Variants in HLCS observed in about 807,000 individuals in gnomAD.
HLCS encodes holocarboxylase synthetase.
A neutral mutation model predicts 75.0 loss-of-function variants in HLCS; 53 were observed. The observed-to-expected ratio is 0.71, with a 90% confidence interval of 0.57 to 0.89. The LOEUF (loss-of-function observed/expected upper bound fraction) is 0.89, where lower values mean the gene tolerates loss of function less well. Among genes scored for constraint, HLCS ranks in the 40% least tolerant of loss-of-function variants. HLCS has a pLI of 0.00. For missense variants in HLCS, 966 were observed against 1,074.0 expected (o/e 0.90, Z 1.41); for synonymous variants, 431 against 428.6 (o/e 1.01, Z -0.07).
intron 5 of HLCS, among the ~76,000 whole-genome samples, chr21:36,900,031 G>A (rs530576916): frequency 5.3e-5 from 8 of 152,302 alleles, no homozygotes; most frequent in Non-Finnish European, 8.8e-5. Context: ...CTTGAACCCA[G>A]GAGGCAGAGG....
chr21:36,800,138 A>G (rs1465441215), intron 6 of HLCS, among the ~76,000 whole-genome samples: 2 of 151,998 alleles, frequency 1.3e-5, no homozygotes, highest in East Asian at 3.9e-4. Context: ...GACCCCGCAG[A>G]CTCTGTGGCC....
At chr21:36,781,468 A>G (rs530236012) in intron 6 of HLCS, among the ~76,000 whole-genome samples, 21 of 152,240 alleles carry the variant, frequency 1.4e-4, no homozygotes, top group South Asian at 1.0e-3. Context: ...CTTATGCACT[A>G]TCTTACGTAT....
chr21:36,854,322 A>G (rs2063113346), intron 6 of HLCS, among the ~76,000 whole-genome samples: 1 of 152,202 alleles, frequency 6.6e-6, no homozygotes, highest in African/African-American at 2.4e-5. Flanking sequence ...GCACCCTATT[A>G]CTCTACCACA....
At chr21:36,963,884 AAC>A (rs1336151876) in intron 1 of HLCS, among the ~76,000 whole-genome samples, 2 of 152,246 alleles carry the variant, frequency 1.3e-5, no homozygotes, top group African/African-American at 2.4e-5. Context: ...TTCAATTATA[AAC>A]ACACATATTC....
rs1045015804 is a variant in HLCS, at chr21:36,897,189, T to C, written c.1621-58A>G. On this transcript the variant is annotated intron_variant, in intron 5 of 10. Coordinates refer to ENST00000674895, the MANE Select transcript of HLCS (RefSeq NM_001352514.2). Reference sequence around the variant, plus strand: ...AATTTGGCATTACATTAGATCATGGTAGCTTTTCCTTATAATGCCATTTTG... The same window carrying C: ...AATTTGGCATTACATTAGATCATGGCAGCTTTTCCTTATAATGCCATTTTG... 2.5e-6 allele frequency: 4 copies of C among 1,580,856 alleles called. No homozygotes were observed. In the Admixed American group the frequency reaches 5.0e-5, roughly 20 times the overall value.
rs919358817 is a variant in HLCS at position 36,781,265 on chromosome 21, A to T, written c.1893-13980T>A. On this transcript the variant is annotated intron_variant, in intron 6 of 10. Coordinates refer to ENST00000674895, the MANE Select transcript of HLCS (RefSeq NM_001352514.2). ...GGAGCGTGAAACTCTGTCTCAAAAA[A>T]AAAAAAAAAAAAGCCTTGATGGTAT... Among the ~76,000 whole-genome samples, 257 of 151,930 alleles carry T rather than the reference A, an allele frequency of 1.7e-3. 1 individual carries two copies. Among genetic ancestry groups the T allele is most frequent in the Middle Eastern group, 0.01 (3 of 292 alleles).
chr21:36,920,375 A>G (rs535324148), intron 5 of HLCS, among the ~76,000 whole-genome samples: 4 of 151,896 alleles, frequency 2.6e-5, no homozygotes, highest in African/African-American at 9.6e-5. Context: ...CCTAGTGGGA[A>G]GGTGGGGCAG....
At chr21:36,754,509 G>C (rs2089483700) in intron 10 of HLCS, 92 bp from the exon 11 acceptor site, 1 of 1,369,742 alleles carries the variant, frequency 7.3e-7, no homozygotes, top group Non-Finnish European at 1.0e-6. Context: ...GAGAGAGCTG[G>C]GCGTGCTGGG....
intron 5 of HLCS, among the ~76,000 whole-genome samples, chr21:36,927,918 C>T (rs1393575340): frequency 6.6e-6 from 1 of 152,140 alleles, no homozygotes; most frequent in African/African-American, 2.4e-5. Context: ...GCCAAATGGA[C>T]AGGCAGGATT....
At chr21:36,864,569 T>C (rs1224467028) in intron 6 of HLCS, among the ~76,000 whole-genome samples, 1 of 152,236 alleles carries the variant, frequency 6.6e-6, no homozygotes, top group Admixed American at 6.5e-5. Context: ...TAGTTTTTAT[T>C]TCCTGTAACC....
chr21:36,952,090 T>A (rs2835548), intron 2 of HLCS, among the ~76,000 whole-genome samples: 84,233 of 151,942 alleles, frequency 0.55, 23,643 homozygotes, highest in East Asian at 0.64. Flanking sequence ...TGAAAAAATA[T>A]AAGATCCCAT....
chr21:36,844,223 G>A (rs537918751), intron 6 of HLCS, among the ~76,000 whole-genome samples: 1 of 152,216 alleles, frequency 6.6e-6, no homozygotes, highest in East Asian at 1.9e-4. Context: ...ATAGAACTCC[G>A]CAGCACGAGG....
intron 6 of HLCS, among the ~76,000 whole-genome samples, chr21:36,807,021 T>C (rs1183494825): frequency 1.3e-5 from 2 of 152,184 alleles, no homozygotes; most frequent in African/African-American, 4.8e-5. Context: ...GGGCTACTCA[T>C]AGCACGTCAG....
chr21:36,789,430 C>A (rs2060792459), intron 6 of HLCS, among the ~76,000 whole-genome samples: 1 of 152,136 alleles, frequency 6.6e-6, no homozygotes, highest in Admixed American at 6.5e-5. Flanking sequence ...TAAAATTATA[C>A]CAGAATATGG....
rs1292719089 is a variant in HLCS at position 36,930,404 on chromosome 21, G to A, written c.1467C>T (p.Asn489=). The change falls in exon 5 of 11, where the codon AAC becomes AAT. Residue 489 remains asparagine (N), a synonymous_variant. Transcript: ENST00000674895. ...QVHLELPPSS[N]IVQTPEDFNL... ...TAAAATCTTCTGGAGTTTGCACTAT[G>A]TTGGAGCTGGGAGGTAGTTCTAAGT... 2 of 1,614,050 alleles carry A rather than the reference G, an allele frequency of 1.2e-6. No homozygotes were observed. The highest frequency in any genetic ancestry group is 1.7e-6 in the Non-Finnish European group (2 of 1,180,010).
intron 1 of HLCS, among the ~76,000 whole-genome samples, chr21:36,983,431 G>C (rs1419711887): frequency 6.6e-6 from 1 of 151,642 alleles, no homozygotes. Context: ...GGCTGGTCTC[G>C]AACCCCTGAC....
intron 1 of HLCS, among the ~76,000 whole-genome samples, chr21:36,965,392 A>G (rs1361272055): frequency 6.6e-6 from 1 of 152,222 alleles, no homozygotes; most frequent in African/African-American, 2.4e-5. Flanking sequence ...TGCACTGTGA[A>G]GCTAAGCCCA....
intron 6 of HLCS, among the ~76,000 whole-genome samples, chr21:36,874,297 G>A (rs2063876853): frequency 1.3e-5 from 2 of 152,106 alleles, no homozygotes; most frequent in East Asian, 1.9e-4. Context: ...AGCTACTCGG[G>A]AGGCTGAGGC....
chr21:36,931,256 C>T (rs1272228896), intron 4 of HLCS, among the ~76,000 whole-genome samples: 2 of 134,526 alleles, frequency 1.5e-5, no homozygotes, highest in Non-Finnish European at 3.0e-5. Context: ...GCACTCCAAC[C>T]TGGGCAACAA....
Sources: allele counts gnomAD v4.1 joint callset (sites outside exome capture counted in the v4.1 genomes callset), GRCh38; gene constraint gnomAD v4.1.1; transcripts MANE v1.5; gene names NCBI Gene and HGNC (gene_info 2026-07-23, HGNC 2026-07-21).